CIBAR2: variants seen among roughly 807,000 people sequenced by gnomAD.
CIBAR2 encodes the protein CBY1 interacting BAR domain containing 2, also known as CBY1-interacting BAR domain-containing protein 2.
A neutral mutation model predicts 36.2 loss-of-function variants in CIBAR2; 38 were observed. That is an observed-to-expected ratio of 1.05 (90% CI 0.81 to 1.38). The LOEUF (loss-of-function observed/expected upper bound fraction) is 1.38. CIBAR2 is among the 40% of genes most tolerant of loss of function. CIBAR2 has a pLI of 0.00. For synonymous variants in CIBAR2, 182 were observed against 149.5 expected, an observed-to-expected ratio of 1.22 and a Z score of -1.58; for missense variants, 481 against 383.4, an observed-to-expected ratio of 1.25 and a Z score of -2.13.
chr16:85,102,971 G>A (rs969081919), intron 6 of CIBAR2, among the ~76,000 whole-genome samples: 3 of 150,386 alleles, frequency 2.0e-5, no homozygotes, highest in Admixed American at 6.7e-5. Flanking sequence ...GTGTGATCTC[G>A]GCTCACTGCA....
Position 85,108,119 on chromosome 16 carries a change from AG to A in CIBAR2, c.256-21del. 2 of 1,596,792 alleles carry A rather than the reference AG, an allele frequency of 1.3e-6. No individual in the cohort carries two copies. The highest frequency in any genetic ancestry group is 1.7e-6 in the Non-Finnish European group (2 of 1,172,064). On this transcript the variant is annotated intron_variant, in intron 2 of 8. Coordinates refer to ENST00000539556, the MANE Select transcript of CIBAR2 (RefSeq NM_198491.3). ...CTCGACCTGGGGGAGCGGGGACACC[AG>A]GGGATCTGAGCGCAGGGTGCTGCCT...
At position 85,110,359 on chromosome 16, in the gene CIBAR2, C is replaced by G. The variant is rs748006465; in HGVS notation, c.122G>C (p.Arg41Pro). 3 of 1,613,524 alleles carry G rather than the reference C, an allele frequency of 1.9e-6. No individual in the cohort carries two copies. Among genetic ancestry groups the G allele is most frequent in the South Asian group, 1.1e-5 (1 of 91,030 alleles). The change falls in exon 2 of 9, where the codon CGG becomes CCG. Residue 41 changes from arginine to proline, a missense_variant. By Grantham distance (103) the Arg-to-Pro change is moderately radical. Transcript: ENST00000539556. Reference protein sequence around the residue: ...LLAAYTRKTARLRDKADQLVK... With the variant: ...LLAAYTRKTAPLRDKADQLVK... ...CAGCTGGTCCGCCTTGTCCCGCAGC[C>G]GGGCCGTCTTGCGCGTGTAGGCGGC...
chr16:85,105,772 T>G (rs2073991358), intron 5 of CIBAR2, among the ~76,000 whole-genome samples: 1 of 152,190 alleles, frequency 6.6e-6, no homozygotes, highest in Non-Finnish European at 1.5e-5. Context: ...GCTGAGCCCT[T>G]AGGACAGGTG....
Position 85,098,824 on chromosome 16 carries a change from G to A in CIBAR2, c.*361C>T, listed in dbSNP as rs545789609. ...TCTGATACTCAGCACAGCCCTACAC[G>A]GAGGTTACTGTTCTAAGCCACTCTG... is the stretch of plus-strand genomic sequence containing the variant. On this transcript the variant is annotated 3_prime_UTR_variant, in exon 9 of 9. Coordinates refer to ENST00000539556, the MANE Select transcript of CIBAR2 (RefSeq NM_198491.3). 19 of 223,998 alleles carry A rather than the reference G, an allele frequency of 8.5e-5. No homozygotes were observed. Among genetic ancestry groups the A allele is most frequent in the African/African-American group, 3.0e-4 (13 of 42,904 alleles). The allele number at this position is 223,998 out of a possible 1,614,324, so 13.9% of individuals were successfully genotyped here.
Position 85,110,381 on chromosome 16 carries a change from C to A in CIBAR2, c.100G>T (p.Ala34Ser). 6.2e-7 allele frequency: 1 copy of A among 1,613,368 alleles called. No individual in the cohort carries two copies. Among genetic ancestry groups the A allele is most frequent in the Non-Finnish European group, 8.5e-7 (1 of 1,179,772 alleles). Reference protein sequence around the residue: ...YFGQFCSLLAAYTRKTARLRD... With the variant: ...YFGQFCSLLASYTRKTARLRD... ...AGCCGGGCCGTCTTGCGCGTGTAGG[C>A]GGCCAGCAGCGAGCAGAACTGCCCA... The change falls in exon 2 of 9, where the codon GCC (alanine) becomes TCC (serine). Residue 34 changes from alanine to serine, a missense_variant. Ala to Ser is a moderately conservative substitution (Grantham distance 99). Transcript: ENST00000539556.
At chr16:85,102,688 C>T (rs574743443) in intron 6 of CIBAR2, among the ~76,000 whole-genome samples, 149 of 152,214 alleles carry the variant, frequency 9.8e-4, no homozygotes, top group African/African-American at 3.5e-3. Context: ...ATAAAGTATG[C>T]CAAAGTGTCA....
rs144820922 is a variant in CIBAR2 at position 85,107,898 on chromosome 16, A to C, written c.374T>G (p.Leu125Arg). Reference protein sequence around the residue: ...KHVQNHEIKQLEKLEKLRQKS... With the variant: ...KHVQNHEIKQREKLEKLRQKS... ...CTGCCTCAGTTTCTCCAGTTTTTCC[A>C]GTTGTTTGATCTCATGATTTTGGAC... is the stretch of plus-strand genomic sequence containing the variant. The change falls in exon 4 of 9, where the codon CTG becomes CGG. Residue 125 changes from leucine to arginine, a missense_variant. Physicochemically the swap from Leu to Arg is moderately radical, Grantham distance 102 (BLOSUM62 -2). Transcript: ENST00000539556. The C allele has an allele frequency of 7.9e-4, 1,276 of 1,614,128 alleles. 3 individuals carry two copies. Among genetic ancestry groups the C allele is most frequent in the Non-Finnish European group, 9.9e-4 (1,174 of 1,179,990 alleles).
intron 8 of CIBAR2, 89 bp from the exon 9 acceptor site, chr16:85,099,435 C>G (rs2073936874): frequency 1.3e-6 from 1 of 775,088 alleles, no homozygotes; most frequent in Non-Finnish European, 2.2e-6. Flanking sequence ...TCCCTAACCT[C>G]TGAGGAACCC....
At position 85,098,827 on chromosome 16, in the gene CIBAR2, G is replaced by T. The variant is rs999081397; in HGVS notation, c.*358C>A. The T allele has an allele frequency of 1.3e-5, 3 of 227,620 alleles. No homozygotes were observed. Among genetic ancestry groups the T allele is most frequent in the East Asian group, 3.3e-4 (2 of 5,992 alleles). The allele number at this position is 227,620 out of a possible 1,614,324, so 14.1% of individuals were successfully genotyped here. A position where few individuals can be genotyped will look rare whatever the true frequency, so the allele number is the denominator to read the frequency against. ...GATACTCAGCACAGCCCTACACGGAGGTTACTGTTCTAAGCCACTCTGCAG... is the reference window on the plus strand; with the variant it reads ...GATACTCAGCACAGCCCTACACGGATGTTACTGTTCTAAGCCACTCTGCAG... On this transcript the variant is annotated 3_prime_UTR_variant, in exon 9 of 9. Coordinates refer to ENST00000539556, the MANE Select transcript of CIBAR2 (RefSeq NM_198491.3).
rs141128357 is a variant in CIBAR2, at chr16:85,112,343, C to T, written c.10G>A (p.Val4Ile). 4.0e-5 allele frequency: 65 copies of T among 1,614,060 alleles called. No individual in the cohort carries two copies. The highest frequency in any genetic ancestry group is 2.0e-4 in the Admixed American group (12 of 60,026). The stretch of plus-strand genomic sequence containing the variant: ...CGCTGGCCCACTCACCTGGAGAAGA[C>T]GATGTTCATTGTGACCAGAGCTTTG... MNI[V>I]FSRDSQVRVM... Residue 4 changes from valine to isoleucine, a missense_variant, in exon 1 of 9, where the codon GTC becomes ATC. Transcript: ENST00000539556.
At chr16:85,109,038 T>C in intron 2 of CIBAR2, among the ~76,000 whole-genome samples, 1 of 152,096 alleles carries the variant, frequency 6.6e-6, no homozygotes, top group Non-Finnish European at 1.5e-5. Flanking sequence ...CGTGGGAGTT[T>C]AGGGTAGGCT....
chr16:85,107,696 C>A (rs1461277965), intron 4 of CIBAR2, 24 bp from the exon 5 acceptor site: 2 of 1,613,834 alleles, frequency 1.2e-6, no homozygotes, highest in East Asian at 4.5e-5. Flanking sequence ...TGTTAAGGAA[C>A]CAAGTTAAGC....
chr16:85,112,058 C>T (rs927409727), intron 1 of CIBAR2, among the ~76,000 whole-genome samples: 32 of 151,976 alleles, frequency 2.1e-4, no homozygotes, highest in African/African-American at 7.2e-4. Context: ...CAGGTGGAGG[C>T]GAGAAAGGAA....
chr16:85,105,022 T>C (rs1459699191), intron 6 of CIBAR2, among the ~76,000 whole-genome samples: 2 of 152,098 alleles, frequency 1.3e-5, no homozygotes, highest in East Asian at 1.9e-4. Context: ...GAAGAGGAAG[T>C]GGGGAGTGTG....
At chr16:85,101,629 A>G (rs959592993) in intron 7 of CIBAR2, among the ~76,000 whole-genome samples, 2 of 152,088 alleles carry the variant, frequency 1.3e-5, no homozygotes, top group African/African-American at 2.4e-5. Context: ...AGCATCAGCC[A>G]GGAAATGCTT....
chr16:85,102,041 C>A (rs2073959473), intron 7 of CIBAR2, among the ~76,000 whole-genome samples, 173 bp downstream of exon 7: 2 of 152,168 alleles, frequency 1.3e-5, no homozygotes, highest in South Asian at 4.1e-4. Context: ...GAAAAATTAT[C>A]CTCACTTTGG....
chr16:85,106,397 A>G (rs7193164), intron 5 of CIBAR2, among the ~76,000 whole-genome samples: 7,687 of 152,154 alleles, frequency 0.051, 247 homozygotes, highest in African/African-American at 0.094. Context: ...TCGGGGACTT[A>G]GGGTAGCAGG....
chr16:85,111,566 C>T (rs1379056420), intron 1 of CIBAR2, among the ~76,000 whole-genome samples: 1 of 152,212 alleles, frequency 6.6e-6, no homozygotes, highest in Non-Finnish European at 1.5e-5. Context: ...CACATCCAGG[C>T]TGGGCACAGT....
rs984553332 is a variant in CIBAR2 at position 85,098,757 on chromosome 16, C to T, written c.*428G>A. The T allele has an allele frequency of 8.1e-6, 4 of 492,372 alleles. No homozygotes were observed. The South Asian group carries it at 2.6e-4, about 32-fold the overall frequency. The allele number at this position is 492,372 out of a possible 1,614,324, so 30.5% of individuals were successfully genotyped here. ...AGCAACAAGTCTCAAGTGTTTGTTGCGCAACAGGCCGGGTTTTCTGTGCTT... is the reference window on the plus strand; with the variant it reads ...AGCAACAAGTCTCAAGTGTTTGTTGTGCAACAGGCCGGGTTTTCTGTGCTT... On this transcript the variant is annotated 3_prime_UTR_variant, in exon 9 of 9. Coordinates refer to ENST00000539556, the MANE Select transcript of CIBAR2 (RefSeq NM_198491.3).
Sources: allele counts gnomAD v4.1 joint callset (sites outside exome capture counted in the v4.1 genomes callset), GRCh38; gene constraint gnomAD v4.1.1; transcripts MANE v1.5; gene names NCBI Gene and HGNC (gene_info 2026-07-23, HGNC 2026-07-21).